The following SLC5A3 variants were observed in gnomAD, a reference collection of about 807,000 sequenced individuals.
SLC5A3 encodes solute carrier family 5 member 3.
Under a neutral mutation model 43.2 loss-of-function variants are expected in SLC5A3, and 10 were observed. The observed-to-expected ratio is 0.23, with a 90% CI of 0.14 to 0.39. SLC5A3 has a LOEUF of 0.39. SLC5A3 is among the 10% of genes least tolerant of loss of function. SLC5A3 has a pLI of 1.00. For synonymous variants in SLC5A3, 349 were observed against 322.0 expected, an observed-to-expected ratio of 1.08 and a Z score of -0.90; for missense variants, 608 against 893.4, an observed-to-expected ratio of 0.68 and a Z score of 4.07.
chr21:34,101,273 A>G lies in SLC5A3; in HGVS notation c.*3918A>G. On this transcript the variant is annotated 3_prime_UTR_variant, in exon 2 of 2. Coordinates refer to ENST00000381151, the MANE Select transcript of SLC5A3 (RefSeq NM_006933.7). Reference sequence around the variant, plus strand: ...GCTTGAAGCACCTTGGCTCTCAGCTACTTTAAACTCCTCCCCATATAAATC... The same window carrying G: ...GCTTGAAGCACCTTGGCTCTCAGCTGCTTTAAACTCCTCCCCATATAAATC... The G allele has an allele frequency of 1.0e-6, 1 of 1,000,232 alleles. No homozygotes were observed. Among genetic ancestry groups the G allele is most frequent in the Non-Finnish European group, 1.2e-6 (1 of 829,954 alleles). The allele number at this position is 1,000,232 out of a possible 1,614,324, so 62.0% of individuals were successfully genotyped here. A position where few individuals can be genotyped will look rare whatever the true frequency, so the allele number is the denominator to read the frequency against.
Position 34,098,964 on chromosome 21 carries a change from A to G in SLC5A3, c.*1609A>G, listed in dbSNP as rs565321498. The G allele has an allele frequency of 3.0e-4, 292 of 986,480 alleles. No individual in the cohort carries two copies. The highest frequency in any genetic ancestry group is 6.2e-4 in the Admixed American group (10 of 16,232). 61.1% of individuals were successfully genotyped at this position (986,480 alleles called of 1,614,324 possible). A position where few individuals can be genotyped will look rare whatever the true frequency, so the allele number is the denominator to read the frequency against. ...ATTTAGGGAAATTACTTTCATAAAT[A>G]CTTTTGTAGATTTTGAATCAAAACT... On this transcript the variant is annotated 3_prime_UTR_variant, in exon 2 of 2. Coordinates refer to ENST00000381151, the MANE Select transcript of SLC5A3 (RefSeq NM_006933.7).
At chr21:34,093,238 A>AT (rs761174952) in intron 1 of SLC5A3, among the ~76,000 whole-genome samples, 6,347 of 130,206 alleles carry the variant, frequency 0.049, 186 homozygotes, top group African/African-American at 0.09. Context: ...AACTTTTAAG[A>AT]TTTTTTTTTT....
intron 1 of SLC5A3, among the ~76,000 whole-genome samples, chr21:34,089,237 C>T (rs193033359): frequency 2.0e-5 from 3 of 152,018 alleles, no homozygotes; most frequent in African/African-American, 7.2e-5. Context: ...AGGCAGGTCT[C>T]GAACTCCTGG....
intron 1 of SLC5A3, among the ~76,000 whole-genome samples, chr21:34,084,521 G>A (rs112588067): frequency 0.011 from 1,646 of 152,270 alleles, 10 homozygotes; most frequent in Middle Eastern, 0.024. Context: ...TGAAGTAGGG[G>A]TGCAGGGGTT....
intron 1 of SLC5A3, among the ~76,000 whole-genome samples, chr21:34,091,251 A>G (rs961745463): frequency 1.6e-4 from 3 of 19,092 alleles, no homozygotes; most frequent in African/African-American, 7.3e-4. Context: ...ATTGCGTACT[A>G]CTCTTTGCAG....
chr21:34,099,555 C>T lies in SLC5A3; in HGVS notation c.*2200C>T. ...ACTGATAATTGACATATTGGCTGGG[C>T]AGCCTATCTCTTCCATATCCAGCGT... is the stretch of plus-strand genomic sequence containing the variant. On this transcript the variant is annotated 3_prime_UTR_variant, in exon 2 of 2. Coordinates refer to ENST00000381151, the MANE Select transcript of SLC5A3 (RefSeq NM_006933.7). The T allele has an allele frequency of 2.0e-6, 2 of 999,698 alleles. No individual in the cohort carries two copies. The highest frequency in any genetic ancestry group is 1.2e-6 in the Non-Finnish European group (1 of 829,816). 61.9% of individuals were successfully genotyped at this position (999,698 alleles called of 1,614,324 possible). A position where few individuals can be genotyped will look rare whatever the true frequency, so the allele number is the denominator to read the frequency against.
chr21:34,074,941 C>T (rs1292030084), intron 1 of SLC5A3, among the ~76,000 whole-genome samples: 1 of 152,184 alleles, frequency 6.6e-6, no homozygotes, highest in African/African-American at 2.4e-5. Context: ...CTATGAGGTC[C>T]AGACAGCCTG....
In SLC5A3 at chr21:34,105,283, C is replaced by G. The variant is rs1472823949; in HGVS notation, c.*7928C>G. The G allele has an allele frequency of 2.2e-5, 22 of 999,870 alleles. No homozygotes were observed. The highest frequency in any genetic ancestry group is 2.5e-5 in the Non-Finnish European group (21 of 829,772). 61.9% of individuals were successfully genotyped at this position (999,870 alleles called of 1,614,324 possible). A position where few individuals can be genotyped will look rare whatever the true frequency, so the allele number is the denominator to read the frequency against. Reference sequence around the variant, plus strand: ...ACCCATGTTGGCAATCATGTATGAACTGTGTTATACTTCTCAGTGCTTTCT... The same window carrying G: ...ACCCATGTTGGCAATCATGTATGAAGTGTGTTATACTTCTCAGTGCTTTCT... On this transcript the variant is annotated 3_prime_UTR_variant, in exon 2 of 2. Coordinates refer to ENST00000381151, the MANE Select transcript of SLC5A3 (RefSeq NM_006933.7).
intron 1 of SLC5A3, among the ~76,000 whole-genome samples, chr21:34,093,065 T>A (rs1978786598): frequency 2.6e-5 from 4 of 152,178 alleles, no homozygotes. Context: ...TTAAATAATG[T>A]TTACTAGTCA....
chr21:34,077,788 T>A (rs1422692970), intron 1 of SLC5A3, among the ~76,000 whole-genome samples: 1 of 152,226 alleles, frequency 6.6e-6, no homozygotes, highest in Non-Finnish European at 1.5e-5. Context: ...AATTTGAATA[T>A]AGAAAAGTAT....
chr21:34,099,813 C>A lies in SLC5A3; in HGVS notation c.*2458C>A. 9.2e-6 allele frequency: 6 copies of A among 653,438 alleles called. No individual in the cohort carries two copies. The highest frequency in any genetic ancestry group is 1.2e-5 in the Non-Finnish European group (6 of 514,248). 40.5% of individuals were successfully genotyped at this position (653,438 alleles called of 1,614,324 possible). On this transcript the variant is annotated 3_prime_UTR_variant, in exon 2 of 2. Transcript: ENST00000381151. Reference sequence around the variant, plus strand: ...ATTCATTAGAATTGTTTATTCTTGCCAGTATAAACATCATTTTATTTAGAC... The same window carrying A: ...ATTCATTAGAATTGTTTATTCTTGCAAGTATAAACATCATTTTATTTAGAC...
chr21:34,080,359 A>G (rs185718541), intron 1 of SLC5A3, among the ~76,000 whole-genome samples: 9 of 152,248 alleles, frequency 5.9e-5, no homozygotes, highest in Admixed American at 2.6e-4. Context: ...TTTTAACCTC[A>G]TCTTTCAGTT....
At chr21:34,082,865 T>C (rs1377168644) in intron 1 of SLC5A3, among the ~76,000 whole-genome samples, 1 of 152,236 alleles carries the variant, frequency 6.6e-6, no homozygotes, top group Non-Finnish European at 1.5e-5. Flanking sequence ...CCCCTTGCAA[T>C]CATTTTTACT....
chr21:34,074,806 G>A (rs749450750), intron 1 of SLC5A3, among the ~76,000 whole-genome samples: 30 of 152,232 alleles, frequency 2.0e-4, no homozygotes, highest in Non-Finnish European at 3.5e-4. Flanking sequence ...GGTCAATTGC[G>A]AGGAGTATTA....
At chr21:34,074,134 A>G (rs1183181121) in intron 1 of SLC5A3, among the ~76,000 whole-genome samples, 1 of 148,458 alleles carries the variant, frequency 6.7e-6, no homozygotes, top group African/African-American at 2.4e-5. Context: ...CGTCCCCGCC[A>G]GTCGTGAAGC....
Position 34,102,718 on chromosome 21 carries a change from A to T in SLC5A3, c.*5363A>T. 1 of 1,000,148 alleles carries T rather than the reference A, an allele frequency of 1.0e-6. No individual in the cohort carries two copies. The highest frequency in any genetic ancestry group is 1.2e-6 in the Non-Finnish European group (1 of 829,900). The allele number at this position is 1,000,148 out of a possible 1,614,324, so 62.0% of individuals were successfully genotyped here. The stretch of plus-strand genomic sequence containing the variant: ...CTGAAGAGCGAGCAAATCAAGACAA[A>T]ACACAGTGGTCTCAGATTTTTCGTA... On this transcript the variant is annotated 3_prime_UTR_variant, in exon 2 of 2. Transcript: ENST00000381151.
At chr21:34,085,187 A>G (rs1249986085) in intron 1 of SLC5A3, among the ~76,000 whole-genome samples, 1 of 152,222 alleles carries the variant, frequency 6.6e-6, no homozygotes, top group Non-Finnish European at 1.5e-5. Flanking sequence ...TGTCATTAAT[A>G]ACAGTGGCAC....
chr21:34,086,602 G>A (rs1978396517), intron 1 of SLC5A3, among the ~76,000 whole-genome samples: 1 of 151,842 alleles, frequency 6.6e-6, no homozygotes, highest in African/African-American at 2.4e-5. Context: ...ATTTCAGAAA[G>A]GATGTTCATG....
intron 1 of SLC5A3, among the ~76,000 whole-genome samples, chr21:34,074,523 C>T (rs1385424491): frequency 6.6e-6 from 1 of 152,220 alleles, no homozygotes; most frequent in Non-Finnish European, 1.5e-5. Flanking sequence ...CCAGCGGCCC[C>T]TTTCAGGTGA....
Sources: gnomAD v4.1 joint callset for allele counts (sites outside exome capture counted in the v4.1 genomes callset) on GRCh38, gnomAD v4.1.1 for gene constraint, MANE v1.5 for transcripts, NCBI Gene and HGNC (gene_info 2026-07-23, HGNC 2026-07-21) for gene names.